Variants in CFAP92 observed in about 807,000 individuals in gnomAD.
CFAP92 encodes the protein cilia and flagella associated protein 92 (putative), also known as uncharacterized protein CFAP92.
A neutral mutation model predicts 106.3 loss-of-function variants in CFAP92; 86 were observed. That is an observed-to-expected ratio of 0.81 (90% confidence interval 0.68 to 0.97). The LOEUF is 0.97. CFAP92 is among the 50% of genes least tolerant of loss of function. The pLI, the probability that CFAP92 is intolerant of heterozygous loss-of-function variation, is 0.00. For missense variants in CFAP92, 1,204 were observed against 1,283.8 expected, an observed-to-expected ratio of 0.94 and a Z score of 0.95; for synonymous variants, 477 against 506.4, an observed-to-expected ratio of 0.94 and a Z score of 0.78.
intron 6 of CFAP92, among the ~76,000 whole-genome samples, chr3:128,976,432 A>G (rs1263768761): frequency 1.3e-5 from 2 of 152,214 alleles, no homozygotes; most frequent in Non-Finnish European, 2.9e-5. Flanking sequence ...ATTCAATACA[A>G]AAACAATTTT....
intron 4 of CFAP92, among the ~76,000 whole-genome samples, chr3:128,984,991 C>T (rs1407064837): frequency 6.6e-6 from 1 of 152,242 alleles, no homozygotes; most frequent in East Asian, 1.9e-4. Context: ...CAATGGCTAT[C>T]TCTGGACAGG....
chr3:128,987,157 T>C (rs1943908020), intron 4 of CFAP92, among the ~76,000 whole-genome samples: 1 of 151,932 alleles, frequency 6.6e-6, no homozygotes. Context: ...CGAGACTCCA[T>C]CTCGAAAGAA....
chr3:129,001,484 G>C, intron 1 of CFAP92: 1 of 1,249,310 alleles, frequency 8.0e-7, no homozygotes, highest in Non-Finnish European at 1.0e-6. Flanking sequence ...GGCCAGCGCA[G>C]CTGCTGGACA....
At chr3:128,925,679 A>G (rs1219819441) in intron 12 of CFAP92, among the ~76,000 whole-genome samples, 1 of 152,232 alleles carries the variant, frequency 6.6e-6, no homozygotes, top group Non-Finnish European at 1.5e-5. Flanking sequence ...ACTTAAAAAA[A>G]ATCAAGCTAC....
At chr3:128,930,373 G>C (rs1002705970) in intron 12 of CFAP92, among the ~76,000 whole-genome samples, 2 of 151,854 alleles carry the variant, frequency 1.3e-5, no homozygotes, top group African/African-American at 4.8e-5. Flanking sequence ...GGATGGTCTC[G>C]ATCTCCTGAT....
chr3:128,932,375 T>C (rs941255469), intron 12 of CFAP92, among the ~76,000 whole-genome samples: 1 of 100,722 alleles, frequency 9.9e-6, no homozygotes, highest in Non-Finnish European at 1.7e-5. Context: ...GTAAGCAACA[T>C]GTTACACACA....
chr3:128,987,349 C>A (rs76562155), intron 4 of CFAP92, among the ~76,000 whole-genome samples: 1 of 151,524 alleles, frequency 6.6e-6, no homozygotes, highest in South Asian at 2.1e-4. Context: ...TAGTCCAGAC[C>A]GGTGATGGGT....
At chr3:128,949,955 T>C (rs1940618968) in intron 9 of CFAP92, among the ~76,000 whole-genome samples, 1 of 152,242 alleles carries the variant, frequency 6.6e-6, no homozygotes, top group South Asian at 2.1e-4. Flanking sequence ...CCCAAAATGC[T>C]GGGATTACAG....
At chr3:128,935,794 G>A (rs915733873) in intron 10 of CFAP92, among the ~76,000 whole-genome samples, 2 of 152,106 alleles carry the variant, frequency 1.3e-5, no homozygotes, top group Non-Finnish European at 1.5e-5. Flanking sequence ...ACTCTAGCCC[G>A]GACAACAGAG....
intron 1 of CFAP92, among the ~76,000 whole-genome samples, chr3:128,999,333 C>T (rs1171953921): frequency 6.6e-6 from 1 of 152,132 alleles, no homozygotes; most frequent in Non-Finnish European, 1.5e-5. Context: ...ACCCTTACTT[C>T]CCTGAGCTGT....
chr3:128,948,820 G>A (rs544508272), intron 9 of CFAP92, among the ~76,000 whole-genome samples: 10 of 152,232 alleles, frequency 6.6e-5, no homozygotes, highest in East Asian at 3.9e-4. Flanking sequence ...GTGAGCCACC[G>A]TGCCCAGCCT....
intron 12 of CFAP92, 131 bp downstream of exon 12, chr3:128,932,569 C>T (rs1576427530): frequency 1.1e-6 from 1 of 902,902 alleles, no homozygotes; most frequent in East Asian, 2.7e-5. Context: ...AGCAGGGTAG[C>T]CCAGGCCAGG....
At chr3:129,003,856 G>C, upstream of CFAP92, 2 of 1,450,658 alleles carry the variant, frequency 1.4e-6, no homozygotes, top group Non-Finnish European at 1.8e-6. Flanking sequence ...CGGAGGCTGC[G>C]GTGCGGGAGC....
chr3:128,944,092 G>A (rs905407921), intron 10 of CFAP92, among the ~76,000 whole-genome samples: 2 of 151,570 alleles, frequency 1.3e-5, no homozygotes, highest in Non-Finnish European at 2.9e-5. Context: ...ACCATGCTTG[G>A]CTAATTTTTG....
chr3:128,975,697 G>A (rs1943110103), intron 7 of CFAP92, 82 bp downstream of exon 7: 2 of 1,148,208 alleles, frequency 1.7e-6, no homozygotes, highest in Admixed American at 5.9e-5. Context: ...GAATCTCATT[G>A]AAGTATCCTG....
chr3:128,960,077 G>A (rs1174104586), intron 9 of CFAP92, among the ~76,000 whole-genome samples: 2 of 152,088 alleles, frequency 1.3e-5, no homozygotes, highest in South Asian at 2.1e-4. Context: ...GCCCACCAGA[G>A]AACAACCCCC....
chr3:128,965,782 A>G (rs1942319812), intron 8 of CFAP92, 87 bp from the exon 9 acceptor site: 1 of 397,268 alleles, frequency 2.5e-6, no homozygotes, highest in Non-Finnish European at 4.4e-6. Context: ...AGATGAGCCA[A>G]TGATAAAATC....
chr3:128,957,024 C>A (rs1941495084), intron 9 of CFAP92, among the ~76,000 whole-genome samples: 1 of 146,826 alleles, frequency 6.8e-6, no homozygotes. Flanking sequence ...TATACCAATT[C>A]TATATCCAGT....
intron 9 of CFAP92, among the ~76,000 whole-genome samples, chr3:128,959,442 C>T (rs1941697512): frequency 6.6e-6 from 1 of 152,094 alleles, no homozygotes; most frequent in Admixed American, 6.5e-5. Flanking sequence ...TATCTGCAGA[C>T]ATATGAGATC....
Sources: allele counts gnomAD v4.1 joint callset (sites outside exome capture counted in the v4.1 genomes callset), GRCh38; gene constraint gnomAD v4.1.1; transcripts MANE v1.5; gene names NCBI Gene and HGNC (gene_info 2026-07-23, HGNC 2026-07-21).